CENPP: variants seen among roughly 807,000 people sequenced by gnomAD.
The protein encoded by CENPP is centromere protein P.
In CENPP, 24 loss-of-function variants were observed where a neutral mutation model predicts 35.6. The ratio of observed to expected loss-of-function variants is 0.67; its 90% CI spans 0.49 to 0.95. The LOEUF is 0.95. Ranked by LOEUF, CENPP falls within the 40% of genes least tolerant of loss-of-function variation. CENPP has a pLI of 0.00. For missense variants in CENPP, 332 were observed against 345.3 expected, an observed-to-expected ratio of 0.96 and a Z score of 0.31; for synonymous variants, 120 against 125.5, an observed-to-expected ratio of 0.96 and a Z score of 0.29.
intron 5 of CENPP, among the ~76,000 whole-genome samples, chr9:92,544,313 T>G (rs1849380592): frequency 6.6e-6 from 1 of 152,142 alleles, no homozygotes; most frequent in Non-Finnish European, 1.5e-5. Flanking sequence ...CCGTCTCTAC[T>G]AAAAATACAA....
chr9:92,358,009 T>C (rs1390928905), intron 4 of CENPP, among the ~76,000 whole-genome samples: 1 of 152,214 alleles, frequency 6.6e-6, no homozygotes, highest in East Asian at 1.9e-4. Context: ...TCTCTTTGTC[T>C]TTGTCTTTTG....
Position 92,613,341 on chromosome 9 carries a change from A to G in CENPP, c.*192A>G. On this transcript the variant is annotated 3_prime_UTR_variant, in exon 8 of 8. Transcript: ENST00000375587. ...ACAACTAGTTAAGTATAAAATGCCAAATAAAAGTGACACGTACAATGTGGT... is the reference window on the plus strand; with the variant it reads ...ACAACTAGTTAAGTATAAAATGCCAGATAAAAGTGACACGTACAATGTGGT... The G allele has an allele frequency of 1.7e-6, 1 of 594,202 alleles. No individual in the cohort carries two copies. The highest frequency in any genetic ancestry group is 2.0e-5 in the South Asian group (1 of 48,880). 36.8% of individuals were successfully genotyped at this position (594,202 alleles called of 1,614,324 possible). A position where few individuals can be genotyped will look rare whatever the true frequency, so the allele number is the denominator to read the frequency against.
At chr9:92,354,256 T>C (rs1841534622) in intron 4 of CENPP, among the ~76,000 whole-genome samples, 1 of 152,190 alleles carries the variant, frequency 6.6e-6, no homozygotes, top group South Asian at 2.1e-4. Flanking sequence ...CATTATGGAA[T>C]AGGCCCAATA....
At chr9:92,529,077 G>A (rs1428679584) in intron 5 of CENPP, among the ~76,000 whole-genome samples, 2 of 152,010 alleles carry the variant, frequency 1.3e-5, no homozygotes, top group East Asian at 1.9e-4. Context: ...ATGTGAGAGA[G>A]AAAAAATACA....
At chr9:92,383,000 G>A (rs1013600612) in intron 5 of CENPP, among the ~76,000 whole-genome samples, 2 of 146,610 alleles carry the variant, frequency 1.4e-5, no homozygotes, top group East Asian at 2.1e-4. Flanking sequence ...CTGGTCAAGC[G>A]ATTCTCCTGC....
At chr9:92,401,629 T>A (rs1843114862) in intron 5 of CENPP, among the ~76,000 whole-genome samples, 1 of 152,200 alleles carries the variant, frequency 6.6e-6, no homozygotes, top group Non-Finnish European at 1.5e-5. Context: ...AAGTATAAAC[T>A]ACCAATTAAG....
intron 5 of CENPP, among the ~76,000 whole-genome samples, chr9:92,472,673 A>C (rs146835430): frequency 1.9e-4 from 29 of 152,230 alleles, no homozygotes; most frequent in East Asian, 1.9e-4. Flanking sequence ...AATAATAATA[A>C]TACTAAAATA....
chr9:92,362,452 A>T (rs573721180), intron 4 of CENPP, among the ~76,000 whole-genome samples: 1 of 151,802 alleles, frequency 6.6e-6, no homozygotes, highest in Non-Finnish European at 1.5e-5. Context: ...TTTGTCTTTG[A>T]TCATCTATTG....
chr9:92,495,810 T>C (rs1003149784), intron 5 of CENPP: 39 of 955,036 alleles, frequency 4.1e-5, no homozygotes, highest in Non-Finnish European at 4.9e-5. Flanking sequence ...TATTCAGTTA[T>C]ATTTATACCA....
intron 1 of CENPP, among the ~76,000 whole-genome samples, chr9:92,330,863 T>G (rs1260615820): frequency 1.3e-5 from 2 of 152,076 alleles, no homozygotes; most frequent in African/African-American, 4.8e-5. Flanking sequence ...TAATTTTTTG[T>G]ATTTTTAGTA....
Position 92,368,676 on chromosome 9 carries a change from C to T in CENPP, c.468-11087C>T, listed in dbSNP as rs949635844. On this transcript the variant is annotated intron_variant, in intron 4 of 7. Transcript: ENST00000375587. ...TGTGGATAGTTTTTTTGGCTACTGACGGGAATCAGCAGCTTATATTTGACA... is the reference window on the plus strand; with the variant it reads ...TGTGGATAGTTTTTTTGGCTACTGATGGGAATCAGCAGCTTATATTTGACA... Among the ~76,000 whole-genome samples, 16 of 152,182 alleles carry T rather than the reference C, an allele frequency of 1.1e-4. 1 individual carries two copies. The Middle Eastern group carries it at 0.02, about 194-fold the overall frequency.
At chr9:92,499,781 A>G (rs1310186030) in intron 5 of CENPP, among the ~76,000 whole-genome samples, 1 of 152,156 alleles carries the variant, frequency 6.6e-6, no homozygotes, top group Non-Finnish European at 1.5e-5. Context: ...GGACTTTTAG[A>G]GAAGGGGAAA....
At chr9:92,497,081 C>A (rs1846390271) in intron 5 of CENPP, among the ~76,000 whole-genome samples, 1 of 152,152 alleles carries the variant, frequency 6.6e-6, no homozygotes, top group African/African-American at 2.4e-5. Flanking sequence ...TACATACACA[C>A]TTTACCCTTT....
chr9:92,573,252 T>C (rs1300436131), intron 5 of CENPP, among the ~76,000 whole-genome samples: 1 of 152,250 alleles, frequency 6.6e-6, no homozygotes, highest in Non-Finnish European at 1.5e-5. Flanking sequence ...TGGTCTTTGA[T>C]GATGGTGACG....
At chr9:92,578,822 A>G (rs1460520319) in intron 5 of CENPP, among the ~76,000 whole-genome samples, 2 of 151,848 alleles carry the variant, frequency 1.3e-5, no homozygotes, top group Non-Finnish European at 2.9e-5. Flanking sequence ...CCATTTGTCA[A>G]TTTTGTCTTT....
chr9:92,571,696 T>G (rs1850143781), intron 5 of CENPP, among the ~76,000 whole-genome samples: 1 of 152,172 alleles, frequency 6.6e-6, no homozygotes, highest in Admixed American at 6.5e-5. Context: ...AGTCTCCCAT[T>G]ATTATTCTGT....
intron 5 of CENPP, among the ~76,000 whole-genome samples, chr9:92,550,251 C>T (rs1849560087): frequency 6.6e-6 from 1 of 152,088 alleles, no homozygotes; most frequent in Admixed American, 6.6e-5. Context: ...ACAAAATTAG[C>T]TGGGTGTGGT....
chr9:92,512,028 C>G, intron 5 of CENPP: 1 of 1,612,282 alleles, frequency 6.2e-7, no homozygotes, highest in Admixed American at 1.7e-5. Flanking sequence ...GCTTTTGGAC[C>G]TATGCCTGAA....
intron 5 of CENPP, chr9:92,514,702 C>CTGT: frequency 6.2e-7 from 1 of 1,613,190 alleles, no homozygotes. Flanking sequence ...GTTGATGCAG[C>CTGT]TGATGGTCCT....
Sources: gnomAD v4.1 joint callset for allele counts (sites outside exome capture counted in the v4.1 genomes callset) on GRCh38, gnomAD v4.1.1 for gene constraint, MANE v1.5 for transcripts, NCBI Gene and HGNC (gene_info 2026-07-23, HGNC 2026-07-21) for gene names.